Variants in PCM1 observed in about 807,000 individuals in gnomAD.
The protein encoded by PCM1 is pericentriolar material 1 protein.
A neutral mutation model predicts 241.9 loss-of-function variants in PCM1; 157 were observed. The observed-to-expected ratio is 0.65, with a 90% CI of 0.57 to 0.74. PCM1 has a LOEUF of 0.74. Ranked by LOEUF, PCM1 falls within the 30% of genes least tolerant of loss-of-function variation. PCM1 has a pLI of 0.00. For synonymous variants in PCM1, 1,085 were observed against 784.9 expected (o/e 1.38, Z -6.39); for missense variants, 3,478 against 2,360.1 (o/e 1.47, Z -9.81).
In PCM1 at chr8:18,027,954, G is replaced by GTT. The variant is rs918151957; in HGVS notation, c.*294_*295dup. On this transcript the variant is annotated 3_prime_UTR_variant, in exon 39 of 39. Coordinates refer to ENST00000325083, the MANE Select transcript of PCM1 (RefSeq NM_006197.4). Reference sequence around the variant, plus strand: ...AATTTAAAATGTAGTTTTAAATAAAGTTTGGACTTATCTATAAAGTATCTT... The same window carrying GTT: ...AATTTAAAATGTAGTTTTAAATAAAGTTTTTGGACTTATCTATAAAGTATCTT... The GTT allele has an allele frequency of 6.2e-6, 2 of 324,098 alleles. No individual in the cohort carries two copies. The highest frequency in any genetic ancestry group is 5.6e-6 in the Non-Finnish European group (1 of 179,696). 20.1% of individuals were successfully genotyped at this position (324,098 alleles called of 1,614,324 possible).
At chr8:17,991,436 A>C in intron 27 of PCM1, 106 bp from the exon 28 acceptor site, 1 of 869,774 alleles carries the variant, frequency 1.1e-6, no homozygotes, top group Admixed American at 2.6e-5. Flanking sequence ...TGTTAAAGCT[A>C]ATTTTCCTCC....
chr8:17,940,076 T>C lies in PCM1; in HGVS notation c.783+215T>C, dbSNP rs1235481065. ...AATGAGGAGGAGGATGTTCGGACTA[T>C]AGATTCAGCTGTGGGATCTGGTTCT... On this transcript the variant is annotated intron_variant, in intron 6 of 38. Coordinates refer to ENST00000325083, the MANE Select transcript of PCM1 (RefSeq NM_006197.4). The C allele has an allele frequency of 3.8e-6, 6 of 1,580,702 alleles. No homozygotes were observed. In the Admixed American group the frequency reaches 8.7e-5, roughly 23 times the overall value.
chr8:17,967,472 C>A (rs531507815), intron 21 of PCM1, among the ~76,000 whole-genome samples: 1 of 152,128 alleles, frequency 6.6e-6, no homozygotes, highest in African/African-American at 2.4e-5. Context: ...CCGTGCCCAG[C>A]TAATTTTGTA....
In PCM1 at chr8:17,964,670, G is replaced by C; in HGVS notation, c.2757G>C (p.Glu919Asp). ...GAATTGTTCGGACAGATGAAGAGGA[G>C]GAAGAAGAGCAAGATGCCAGTTCCA... ...SEGIVRTDEEEEEEQDASSND... is the reference protein window; with the variant it reads ...SEGIVRTDEEDEEEQDASSND... Residue 919 changes from glutamate (E) to aspartate (D), a missense_variant, in exon 18 of 39, where the codon GAG becomes GAC. Physicochemically the swap from Glu to Asp is conservative, Grantham distance 45. Transcript: ENST00000325083. The C allele has an allele frequency of 6.2e-7, 1 of 1,613,862 alleles. No individual in the cohort carries two copies. The highest frequency in any genetic ancestry group is 8.5e-7 in the Non-Finnish European group (1 of 1,179,754).
At chr8:17,936,930 A>T (rs945244994) in intron 3 of PCM1, among the ~76,000 whole-genome samples, 1 of 152,200 alleles carries the variant, frequency 6.6e-6, no homozygotes, top group Non-Finnish European at 1.5e-5. Context: ...ATCTCTTTTC[A>T]GAAGGATGGG....
chr8:17,928,910 G>A (rs2058068485), intron 2 of PCM1, among the ~76,000 whole-genome samples: 1 of 152,018 alleles, frequency 6.6e-6, no homozygotes, highest in South Asian at 2.1e-4. Context: ...GGTATTACAG[G>A]CGTGAGCCAC....
At chr8:17,951,751 A>C (rs1280428341) in intron 8 of PCM1, among the ~76,000 whole-genome samples, 1 of 152,136 alleles carries the variant, frequency 6.6e-6, no homozygotes, top group Non-Finnish European at 1.5e-5. Flanking sequence ...TGGAGTGGGT[A>C]ATGACATTGG....
chr8:17,936,293 A>G (rs1351462694), intron 3 of PCM1, among the ~76,000 whole-genome samples: 3 of 152,172 alleles, frequency 2.0e-5, no homozygotes, highest in Admixed American at 1.3e-4. Flanking sequence ...GTTGGCAGGA[A>G]TATTCACTCA....
intron 28 of PCM1, among the ~76,000 whole-genome samples, chr8:17,992,021 A>G (rs375591812): frequency 6.6e-6 from 1 of 152,216 alleles, no homozygotes. Context: ...GATGGCTGCA[A>G]ATGCCATTAC....
rs915531299 is a variant in PCM1, at chr8:17,930,812, G to A, written c.-22-4777G>A. Among the ~76,000 whole-genome samples, 5 of 151,974 alleles carry A rather than the reference G, an allele frequency of 3.3e-5. No individual in the cohort carries two copies. The East Asian group carries it at 5.9e-4, about 18-fold the overall frequency. Reference sequence around the variant, plus strand: ...GGAGAATGACGTGAACCTGGGAGGCGGAGCTTGTAGTGAGCCCAGATGGCG... The same window carrying A: ...GGAGAATGACGTGAACCTGGGAGGCAGAGCTTGTAGTGAGCCCAGATGGCG... On this transcript the variant is annotated intron_variant, in intron 2 of 38. Transcript: ENST00000325083.
chr8:17,998,870 A>G (rs1034605091), intron 29 of PCM1, among the ~76,000 whole-genome samples: 1 of 152,144 alleles, frequency 6.6e-6, no homozygotes, highest in African/African-American at 2.4e-5. Flanking sequence ...CCTTTAAACC[A>G]CAAGACAAAG....
Position 17,989,968 on chromosome 8 carries a change from C to A in PCM1, c.4520C>A (p.Thr1507Lys). ...TCATCAAATTTTGAGCCTTTTGCAA[C>A]AGATGATCTAGGTAAGCAGAATTGT... Reference protein sequence around the residue: ...SVSSNFEPFATDDLGNTVIHL... With the variant: ...SVSSNFEPFAKDDLGNTVIHL... Residue 1507 changes from threonine (T) to lysine (K), a missense_variant, in exon 27 of 39, where the codon ACA becomes AAA. Transcript: ENST00000325083. 6.5e-7 allele frequency: 1 copy of A among 1,533,484 alleles called. No individual in the cohort carries two copies. The highest frequency in any genetic ancestry group is 8.8e-7 in the Non-Finnish European group (1 of 1,138,698). The allele number at this position is 1,533,484 out of a possible 1,614,324, so 95.0% of individuals were successfully genotyped here.
intron 36 of PCM1, among the ~76,000 whole-genome samples, chr8:18,023,985 G>C (rs1266732333): frequency 6.6e-6 from 1 of 152,208 alleles, no homozygotes; most frequent in East Asian, 1.9e-4. Context: ...GCAGCCAAAA[G>C]GGGGGAATTG....
intron 9 of PCM1, among the ~76,000 whole-genome samples, chr8:17,954,643 A>T (rs1301879387): frequency 6.6e-6 from 1 of 152,148 alleles, no homozygotes; most frequent in African/African-American, 2.4e-5. Flanking sequence ...ACCTACAGGA[A>T]TTGTGGTACT....
In PCM1 at chr8:18,025,476, A is replaced by G. The variant is rs1031759312; in HGVS notation, c.5934+23A>G. The G allele has an allele frequency of 2.6e-6, 4 of 1,525,600 alleles. No homozygotes were observed. In the African/African-American group the frequency reaches 5.5e-5, roughly 21 times the overall value. The allele number at this position is 1,525,600 out of a possible 1,614,324, so 94.5% of individuals were successfully genotyped here. A position where few individuals can be genotyped will look rare whatever the true frequency, so the allele number is the denominator to read the frequency against. On this transcript the variant is annotated intron_variant, in intron 37 of 38. Coordinates refer to ENST00000325083, the MANE Select transcript of PCM1 (RefSeq NM_006197.4). ...GAGGTATTTAGCTGTCTTTAATTAAACTTGTCTTTACATAACAAATACTGT... is the reference window on the plus strand; with the variant it reads ...GAGGTATTTAGCTGTCTTTAATTAAGCTTGTCTTTACATAACAAATACTGT...
chr8:17,972,092 T>C (rs184910642), intron 22 of PCM1, among the ~76,000 whole-genome samples: 233 of 152,310 alleles, frequency 1.5e-3, no homozygotes, highest in African/African-American at 5.3e-3. Context: ...AGATCTTTGA[T>C]AAGGAACTTT....
At chr8:18,009,845 T>C (rs893018744) in intron 31 of PCM1, 101 bp downstream of exon 31, 29 of 689,004 alleles carry the variant, frequency 4.2e-5, no homozygotes, top group Non-Finnish European at 5.7e-5. Flanking sequence ...GCAAAAGTAG[T>C]TGTTTTTAGT....
chr8:17,938,929 G>C lies in PCM1; in HGVS notation c.532G>C (p.Ala178Pro), dbSNP rs376091682. Reference sequence around the variant, plus strand: ...ACAGTGTAAAGAGTTGTTTGCTTCTGCTTTAAGTAATGACCTCTTGCAAAA... The same window carrying C: ...ACAGTGTAAAGAGTTGTTTGCTTCTCCTTTAAGTAATGACCTCTTGCAAAA... ...SAQCKELFAS[A>P]LSNDLLQNCQ... Residue 178 changes from alanine to proline, a missense_variant, in exon 5 of 39, where the codon GCT becomes CCT. Ala to Pro is a conservative substitution (Grantham distance 27). Coordinates refer to ENST00000325083, the MANE Select transcript of PCM1 (RefSeq NM_006197.4). 10 of 1,613,748 alleles carry C rather than the reference G, an allele frequency of 6.2e-6. No homozygotes were observed. Among genetic ancestry groups the C allele is most frequent in the East Asian group, 4.5e-5 (2 of 44,860 alleles).
At chr8:17,927,699 T>A (rs1439608218) in intron 2 of PCM1, 1 of 151,874 alleles carries the variant, frequency 6.6e-6, no homozygotes, top group Non-Finnish European at 1.5e-5. Context: ...TACAGACGCG[T>A]GCCACCACGT....
Sources: allele counts gnomAD v4.1 joint callset (sites outside exome capture counted in the v4.1 genomes callset), GRCh38; gene constraint gnomAD v4.1.1; transcripts MANE v1.5; gene names NCBI Gene and HGNC (gene_info 2026-07-23, HGNC 2026-07-21).